Variants in ZNF284 observed in about 807,000 individuals in gnomAD.
ZNF284 encodes the protein zinc finger protein 284.
Under a neutral mutation model 12.9 loss-of-function variants are expected in ZNF284, and 12 were observed. The observed-to-expected ratio is 0.93, with a 90% confidence interval of 0.60 to 1.51. ZNF284 has a LOEUF of 1.51. Ranked by LOEUF, ZNF284 falls within the 40% of genes most tolerant of loss-of-function variation. ZNF284 has a pLI of 0.00. For missense variants in ZNF284, 667 were observed against 707.3 expected, an observed-to-expected ratio of 0.94 and a Z score of 0.65; for synonymous variants, 225 against 236.5, an observed-to-expected ratio of 0.95 and a Z score of 0.45.
At chr19:44,079,937 G>GTATT (rs1967095087) in intron 2 of ZNF284, among the ~76,000 whole-genome samples, 3 of 151,902 alleles carry the variant, frequency 2.0e-5, no homozygotes, top group African/African-American at 7.3e-5. Context: ...TCAAAAAAAA[G>GTATT]ACAAAAAGGT....
chr19:44,076,280 C>T, intron 1 of ZNF284, 42 bp from the exon 2 acceptor site: 2 of 1,144,992 alleles, frequency 1.7e-6, no homozygotes, highest in Non-Finnish European at 2.5e-6. Flanking sequence ...ACCACCCCTT[C>T]ATGTCTCTTT....
At chr19:44,081,275 A>G (rs1568521614) in intron 3 of ZNF284, 134 bp downstream of exon 3, 1 of 1,174,682 alleles carries the variant, frequency 8.5e-7, no homozygotes, top group African/African-American at 1.6e-5. Context: ...AAGAAAAGAC[A>G]TTTCATTGAC....
chr19:44,080,302 T>TA (rs146130059), intron 2 of ZNF284, among the ~76,000 whole-genome samples: 11 of 151,160 alleles, frequency 7.3e-5, no homozygotes, highest in Admixed American at 5.3e-4. Context: ...TGGCAGATAT[T>TA]AAAAAAAAAA....
rs1459702684 is a variant in ZNF284 at position 44,086,845 on chromosome 19, A to G, written c.1367A>G (p.Asn456Ser). The G allele has an allele frequency of 1.2e-6, 2 of 1,614,078 alleles. No individual in the cohort carries two copies. Among genetic ancestry groups the G allele is most frequent in the Non-Finnish European group, 1.7e-6 (2 of 1,180,000 alleles). The change falls in exon 5 of 5, where the codon AAT becomes AGT. Residue 456 changes from asparagine (N) to serine (S), a missense_variant. By Grantham distance (46) the Asn-to-Ser change is conservative. Transcript: ENST00000421176. ...QRVHTGERPY[N>S]CKECGKSFRW... ...GTCCACACGGGAGAGAGACCTTATA[A>G]TTGTAAGGAATGTGGAAAGAGCTTC... is the stretch of plus-strand genomic sequence containing the variant.
chr19:44,081,507 G>T lies in ZNF284; in HGVS notation c.142+366G>T, dbSNP rs573804592. On this transcript the variant is annotated intron_variant, in intron 3 of 4. Transcript: ENST00000421176. Reference sequence around the variant, plus strand: ...AGGGCAGATCACGAGGTTGGGAGATGGAGACCATTCTGGCTAACACGGTGA... The same window carrying T: ...AGGGCAGATCACGAGGTTGGGAGATTGAGACCATTCTGGCTAACACGGTGA... Among the ~76,000 whole-genome samples the T allele has an allele frequency of 2.8e-3, 432 of 151,992 alleles. 2 individuals carry two copies. Among genetic ancestry groups the T allele is most frequent in the Middle Eastern group, 3.4e-3 (1 of 294 alleles).
intron 2 of ZNF284, among the ~76,000 whole-genome samples, chr19:44,077,535 CTTT>C (rs763788955): frequency 1.7e-4 from 13 of 76,234 alleles, no homozygotes; most frequent in South Asian, 4.8e-4. Flanking sequence ...ATTTTTCTGT[CTTT>C]TTTTTTTTTT....
At chr19:44,085,255 CA>C (rs758121757) in intron 4 of ZNF284, 2 of 155,262 alleles carry the variant, frequency 1.3e-5, no homozygotes, top group African/African-American at 2.4e-5. Flanking sequence ...CGGCCTTGTG[CA>C]GGGGCTGATC....
chr19:44,082,074 G>A lies in ZNF284; in HGVS notation c.204G>A (p.Met68Ile), dbSNP rs778358399. 1.2e-5 allele frequency: 19 copies of A among 1,613,048 alleles called. No individual in the cohort carries two copies. Among genetic ancestry groups the A allele is most frequent in the Non-Finnish European group, 1.5e-5 (18 of 1,179,646 alleles). ...HFQREEKFWI[M>I]ETATQREGNS... The stretch of plus-strand genomic sequence containing the variant: ...AAAGAGAAGAAAAGTTTTGGATCAT[G>A]GAGACAGCAACCCAAAGAGAAGGGA... Residue 68 changes from methionine (M) to isoleucine (I), a missense_variant, in exon 4 of 5, where the codon ATG becomes ATA. Met to Ile is a conservative substitution (Grantham distance 10). Transcript: ENST00000421176.
At position 44,076,343 on chromosome 19, in the gene ZNF284, A is replaced by C. The variant is rs1215561569; in HGVS notation, c.-47A>C. 1 of 1,594,654 alleles carries C rather than the reference A, an allele frequency of 6.3e-7. No individual in the cohort carries two copies. The highest frequency in any genetic ancestry group is 8.6e-7 in the Non-Finnish European group (1 of 1,169,216). ...TCAGGCACAATTCTGTCTTCTCTTG[A>C]ACTGCATAACTGAGAACTCTGCAAA... On this transcript the variant is annotated 5_prime_UTR_variant, in exon 2 of 5. Coordinates refer to ENST00000421176, the MANE Select transcript of ZNF284 (RefSeq NM_001037813.4).
chr19:44,082,415 C>T (rs1967144294), intron 4 of ZNF284, among the ~76,000 whole-genome samples: 1 of 152,194 alleles, frequency 6.6e-6, no homozygotes, highest in African/African-American at 2.4e-5. Context: ...CCTTGATCTG[C>T]TCTTCATCCC....
chr19:44,077,427 G>A (rs1033185220), intron 2 of ZNF284, among the ~76,000 whole-genome samples: 3 of 151,960 alleles, frequency 2.0e-5, no homozygotes, highest in Non-Finnish European at 2.9e-5. Context: ...TATCGGTTTC[G>A]GTGAATCTTG....
At chr19:44,081,888 A>G (rs1392047446) in intron 3 of ZNF284, 125 bp from the exon 4 acceptor site, 3 of 668,364 alleles carry the variant, frequency 4.5e-6, no homozygotes, top group Non-Finnish European at 7.7e-6. Flanking sequence ...CTACAATTCA[A>G]GATGAGATTT....
chr19:44,074,868 C>T (rs1024224928), intron 1 of ZNF284, among the ~76,000 whole-genome samples: 10 of 151,904 alleles, frequency 6.6e-5, no homozygotes, highest in Non-Finnish European at 7.4e-5. Context: ...TTTGAGGGGG[C>T]GTGCGCCTGT....
chr19:44,079,864 G>T (rs1340325296), intron 2 of ZNF284, among the ~76,000 whole-genome samples: 2 of 152,046 alleles, frequency 1.3e-5, no homozygotes, highest in Admixed American at 6.6e-5. Flanking sequence ...GGAGGTGGAG[G>T]TTGCCGTGAG....
At chr19:44,083,792 C>T (rs545241786) in intron 4 of ZNF284, among the ~76,000 whole-genome samples, 24 of 151,982 alleles carry the variant, frequency 1.6e-4, no homozygotes, top group Middle Eastern at 3.4e-3. Flanking sequence ...CTATGTGTAC[C>T]GGTGTTAGAG....
At position 44,086,397 on chromosome 19, in the gene ZNF284, A is replaced by G; in HGVS notation, c.919A>G (p.Met307Val). Residue 307 changes from methionine to valine, a missense_variant, in exon 5 of 5, where the codon ATG (methionine) becomes GTG (valine). By Grantham distance (21) the Met-to-Val change is conservative (BLOSUM62 1). Coordinates refer to ENST00000421176, the MANE Select transcript of ZNF284 (RefSeq NM_001037813.4). ...HSRSNLNRHS[M>V]VHMQEKSFRC... is the part of the protein sequence containing the mutation. The stretch of plus-strand genomic sequence containing the variant: ...TAGATCAAATCTTAATAGGCATTCC[A>G]TGGTCCACATGCAAGAGAAATCATT... 1 of 1,614,078 alleles carries G rather than the reference A, an allele frequency of 6.2e-7. No individual in the cohort carries two copies.
At chr19:44,075,840 G>T (rs1967017368) in intron 1 of ZNF284, among the ~76,000 whole-genome samples, 1 of 152,078 alleles carries the variant, frequency 6.6e-6, no homozygotes, top group African/African-American at 2.4e-5. Context: ...TTTGTGAAGT[G>T]GAATAACCAT....
At chr19:44,083,260 C>T (rs1259715003) in intron 4 of ZNF284, among the ~76,000 whole-genome samples, 4 of 151,474 alleles carry the variant, frequency 2.6e-5, no homozygotes, top group Non-Finnish European at 5.9e-5. Flanking sequence ...CATGGCAAAA[C>T]CTGACTCTAC....
chr19:44,088,086 T>C lies in ZNF284; in HGVS notation c.*826T>C, dbSNP rs1167020788. The stretch of plus-strand genomic sequence containing the variant: ...TGCCCACCATGCCTAAAAATTTTTG[T>C]ATTTTTAGTGAAGATGGGGTTTCAC... On this transcript the variant is annotated 3_prime_UTR_variant, in exon 5 of 5. Transcript: ENST00000421176. 6.6e-6 allele frequency: 1 copy of C among 152,156 alleles called. No homozygotes were observed. Among genetic ancestry groups the C allele is most frequent in the Non-Finnish European group, 1.5e-5 (1 of 68,048 alleles). 9.4% of individuals were successfully genotyped at this position (152,156 alleles called of 1,614,324 possible).
Sources: gnomAD v4.1 joint callset for allele counts (sites outside exome capture counted in the v4.1 genomes callset) on GRCh38, gnomAD v4.1.1 for gene constraint, MANE v1.5 for transcripts, NCBI Gene and HGNC (gene_info 2026-07-23, HGNC 2026-07-21) for gene names.